SLC44A1: variants seen among roughly 807,000 people sequenced by gnomAD.
The protein encoded by SLC44A1 is choline transporter-like protein 1.
SLC44A1 carries 26 observed loss-of-function variants against 79.3 expected under a neutral mutation model. That is an observed-to-expected ratio of 0.33 (90% CI 0.24 to 0.46). SLC44A1 has a LOEUF of 0.46. Ranked by LOEUF, SLC44A1 falls within the 20% of genes least tolerant of loss-of-function variation. SLC44A1 has a pLI of 1.00. For synonymous variants in SLC44A1, 263 were observed against 286.2 expected (o/e 0.92, Z 0.82); for missense variants, 688 against 798.1 (o/e 0.86, Z 1.66).
intron 1 of SLC44A1, among the ~76,000 whole-genome samples, chr9:105,261,299 T>G (rs936777990): frequency 6.6e-6 from 1 of 152,172 alleles, no homozygotes. Context: ...AATGAGGGCC[T>G]TCTTTCCCTT....
At chr9:105,428,712 T>C (rs530453798) in intron 15 of SLC44A1, among the ~76,000 whole-genome samples, 1 of 152,372 alleles carries the variant, frequency 6.6e-6, no homozygotes, top group Admixed American at 6.5e-5. Context: ...ATAACTTTTT[T>C]TTTTGAGATG....
intron 1 of SLC44A1, among the ~76,000 whole-genome samples, chr9:105,292,486 C>T (rs1409009146): frequency 6.6e-6 from 1 of 152,076 alleles, no homozygotes; most frequent in Non-Finnish European, 1.5e-5. Context: ...ACTTAATGTC[C>T]TGTTTGCTAC....
chr9:105,418,893 T>G (rs1372463228), intron 15 of SLC44A1, among the ~76,000 whole-genome samples: 1 of 152,148 alleles, frequency 6.6e-6, no homozygotes, highest in African/African-American at 2.4e-5. Flanking sequence ...TCTCAAAAAT[T>G]TAGGTAAAAG....
chr9:105,365,403 G>A (rs554283843), intron 10 of SLC44A1, 80 bp from the exon 11 acceptor site: 9 of 1,092,412 alleles, frequency 8.2e-6, no homozygotes, highest in South Asian at 3.1e-5. Flanking sequence ...TTTTCACTGC[G>A]TTGGACTCTA....
At chr9:105,383,865 T>C (rs187146039) in intron 14 of SLC44A1, among the ~76,000 whole-genome samples, 56 of 152,238 alleles carry the variant, frequency 3.7e-4, no homozygotes, top group African/African-American at 1.3e-3. Flanking sequence ...ACTGGTAGAG[T>C]GTATAGTTAT....
chr9:105,299,513 T>C (rs1451144759), intron 2 of SLC44A1, among the ~76,000 whole-genome samples: 1 of 152,242 alleles, frequency 6.6e-6, no homozygotes, highest in Middle Eastern at 3.2e-3. Flanking sequence ...CAATAGACCA[T>C]TTCAGAAAGC....
At chr9:105,415,854 A>G (rs925269819) in intron 15 of SLC44A1, among the ~76,000 whole-genome samples, 1 of 152,066 alleles carries the variant, frequency 6.6e-6, no homozygotes, top group Non-Finnish European at 1.5e-5. Context: ...GTTCATTTGA[A>G]AAAAGATCAA....
chr9:105,318,722 A>C (rs911773959), intron 3 of SLC44A1, among the ~76,000 whole-genome samples: 7 of 145,970 alleles, frequency 4.8e-5, no homozygotes, highest in African/African-American at 2.0e-4. Context: ...GAAAGAGGAG[A>C]TCCAGCTACG....
chr9:105,336,400 T>C (rs1302302291), intron 4 of SLC44A1, among the ~76,000 whole-genome samples: 1 of 152,158 alleles, frequency 6.6e-6, no homozygotes, highest in Non-Finnish European at 1.5e-5. Flanking sequence ...CTAACATAGT[T>C]TCCTGAAATC....
Position 105,395,428 on chromosome 9 carries a change from A to T in SLC44A1, c.*6372A>T. 1.9e-6 allele frequency: 1 copy of T among 523,522 alleles called. No individual in the cohort carries two copies. The highest frequency in any genetic ancestry group is 2.5e-6 in the Non-Finnish European group (1 of 407,914). 32.4% of individuals were successfully genotyped at this position (523,522 alleles called of 1,614,324 possible). On this transcript the variant is annotated 3_prime_UTR_variant, in exon 16 of 16. Coordinates refer to ENST00000374720, the MANE Select transcript of SLC44A1 (RefSeq NM_080546.5). ...GAGACGGGGTTTCACCACGTTGGCC[A>T]GGCCAATCTCGAACTCCTGACCTCA...
intron 1 of SLC44A1, among the ~76,000 whole-genome samples, chr9:105,247,570 T>G (rs916602258): frequency 6.6e-6 from 1 of 152,232 alleles, no homozygotes; most frequent in Admixed American, 6.5e-5. Flanking sequence ...GTGCTGGTAT[T>G]ACAGACATGA....
intron 1 of SLC44A1, among the ~76,000 whole-genome samples, chr9:105,247,155 C>T (rs965624187): frequency 2.0e-5 from 3 of 150,620 alleles, no homozygotes; most frequent in Non-Finnish European, 4.4e-5. Context: ...TGTTACTAAT[C>T]GGCTGGTATT....
At chr9:105,385,234 C>T (rs897963696) in intron 14 of SLC44A1, among the ~76,000 whole-genome samples, 188 bp from the exon 15 acceptor site, 1 of 151,996 alleles carries the variant, frequency 6.6e-6, no homozygotes, top group African/African-American at 2.4e-5. Context: ...TTTTAATCAG[C>T]GAATTGCAGA....
chr9:105,337,972 T>C (rs1164942071), intron 4 of SLC44A1, among the ~76,000 whole-genome samples: 1 of 152,216 alleles, frequency 6.6e-6, no homozygotes, highest in Non-Finnish European at 1.5e-5. Context: ...AAGTAGGTGC[T>C]CAAGATGTAT....
intron 15 of SLC44A1, among the ~76,000 whole-genome samples, chr9:105,435,699 GGCTCGACCATGGTGTA>G (rs1045782294): frequency 4.6e-5 from 7 of 152,162 alleles, no homozygotes; most frequent in African/African-American, 1.7e-4. Flanking sequence ...GGGTCACAAT[GGCTCGACCATGGTGTA>G]GCCTGTTGAG....
At chr9:105,370,407 T>C (rs1828060657) in intron 12 of SLC44A1, among the ~76,000 whole-genome samples, 1 of 152,190 alleles carries the variant, frequency 6.6e-6, no homozygotes, top group Non-Finnish European at 1.5e-5. Flanking sequence ...AGGAATTGCA[T>C]AGATCCATAG....
intron 15 of SLC44A1, chr9:105,386,448 G>T: frequency 1.0e-6 from 1 of 983,700 alleles, no homozygotes; most frequent in Non-Finnish European, 1.2e-6. Flanking sequence ...TTTCCTTTCT[G>T]TCTTCTTTAC....
Position 105,310,888 on chromosome 9 carries a change from G to A in SLC44A1, c.269+1022G>A, listed in dbSNP as rs539396796. On this transcript the variant is annotated intron_variant, in intron 3 of 15. Transcript: ENST00000374720. ...AATAAACAAAATTGTAAATAACAGC[G>A]ATGAGTGTTTGTATGGCATCCCAAA... Among the ~76,000 whole-genome samples, 12 of 152,276 alleles carry A rather than the reference G, an allele frequency of 7.9e-5. No homozygotes were observed. In the South Asian group the frequency reaches 1.9e-3, roughly 24 times the overall value.
chr9:105,425,158 G>A (rs1463284740), intron 15 of SLC44A1, among the ~76,000 whole-genome samples: 2 of 152,008 alleles, frequency 1.3e-5, no homozygotes, highest in Non-Finnish European at 2.9e-5. Flanking sequence ...GTTATATCAT[G>A]TACAACATTC....
Sources: allele counts gnomAD v4.1 joint callset (sites outside exome capture counted in the v4.1 genomes callset), GRCh38; gene constraint gnomAD v4.1.1; transcripts MANE v1.5; gene names NCBI Gene and HGNC (gene_info 2026-07-23, HGNC 2026-07-21).